SPATA33: variants seen among roughly 807,000 people sequenced by gnomAD.
SPATA33 encodes the protein spermatogenesis associated 33.
In SPATA33, 10 loss-of-function variants were observed where a neutral mutation model predicts 8.9. The observed-to-expected ratio is 1.12, with a 90% CI of 0.69 to 1.90. The LOEUF is 1.90. Ranked by LOEUF, SPATA33 falls within the 40% of genes most tolerant of loss-of-function variation. SPATA33 has a pLI of 0.00. For missense variants in SPATA33, 241 were observed against 178.3 expected (o/e 1.35, Z -2.00); for synonymous variants, 96 against 72.8 (o/e 1.32, Z -1.63).
At chr16:89,669,168 A>G (rs2060064715) in intron 2 of SPATA33, 118 bp from the exon 3 acceptor site, 3 of 941,770 alleles carry the variant, frequency 3.2e-6, no homozygotes, top group South Asian at 1.5e-5. Context: ...GGACTCACCC[A>G]TTTTTTCTGC....
intron 2 of SPATA33, among the ~76,000 whole-genome samples, chr16:89,668,312 A>G (rs2060052877): frequency 6.6e-6 from 1 of 152,248 alleles, no homozygotes; most frequent in Non-Finnish European, 1.5e-5. Flanking sequence ...ACTCCGTCTC[A>G]AAAACTAAGA....
At chr16:89,669,218 G>A (rs2060065038) in intron 2 of SPATA33, 68 bp from the exon 3 acceptor site, 2 of 1,411,748 alleles carry the variant, frequency 1.4e-6, no homozygotes, top group African/African-American at 1.4e-5. Context: ...ACCAATGGCA[G>A]GAGGTGTGTG....
At chr16:89,667,049 AGAGGTG>A (rs1443417532) in intron 2 of SPATA33, among the ~76,000 whole-genome samples, 1 of 152,152 alleles carries the variant, frequency 6.6e-6, no homozygotes, top group African/African-American at 2.4e-5. Context: ...GCCCTCCACA[AGAGGTG>A]GAGGAGCAGA....
Position 89,669,530 on chromosome 16 carries a change from T to C in SPATA33, c.*33T>C, listed in dbSNP as rs1286209767. On this transcript the variant is annotated 3_prime_UTR_variant, in exon 3 of 3. Coordinates refer to ENST00000579310, the MANE Select transcript of SPATA33 (RefSeq NM_001271907.2). ...CCTTTGCATGGCACTCGCTACTCCC[T>C]GCGATAGGCGTCTCGGGAACAGCCG... is the stretch of plus-strand genomic sequence containing the variant. 1 of 1,597,700 alleles carries C rather than the reference T, an allele frequency of 6.3e-7. No individual in the cohort carries two copies. The highest frequency in any genetic ancestry group is 8.6e-7 in the Non-Finnish European group (1 of 1,169,004).
chr16:89,660,631 C>A, intron 2 of SPATA33: 1 of 1,061,414 alleles, frequency 9.4e-7, no homozygotes, highest in Non-Finnish European at 1.2e-6. Flanking sequence ...TGAGACAAGC[C>A]AGAGGAAAGA....
At chr16:89,660,346 T>G in intron 2 of SPATA33, 1 of 598,914 alleles carries the variant, frequency 1.7e-6, no homozygotes, top group Non-Finnish European at 2.4e-6. Flanking sequence ...GAGGGAGCTG[T>G]GAAGCATGGG....
At chr16:89,666,316 A>G (rs922217270) in intron 2 of SPATA33, among the ~76,000 whole-genome samples, 1 of 152,098 alleles carries the variant, frequency 6.6e-6, no homozygotes, top group East Asian at 1.9e-4. Flanking sequence ...CACATCCACG[A>G]ATAGCCACTG....
At chr16:89,666,740 G>A (rs548001633) in intron 2 of SPATA33, among the ~76,000 whole-genome samples, 3 of 152,326 alleles carry the variant, frequency 2.0e-5, no homozygotes, top group Admixed American at 1.3e-4. Context: ...GGTTAGGAGT[G>A]TGAGCCATCT....
chr16:89,661,580 C>T (rs151323153), intron 2 of SPATA33: 23 of 152,238 alleles, frequency 1.5e-4, no homozygotes, highest in Admixed American at 1.3e-3. Context: ...ATACTGTTAC[C>T]CCTACTACTT....
At chr16:89,668,810 G>A (rs553942075) in intron 2 of SPATA33, among the ~76,000 whole-genome samples, 1 of 152,362 alleles carries the variant, frequency 6.6e-6, no homozygotes, top group East Asian at 1.9e-4. Context: ...CAGGTCTCAG[G>A]CGTTCCTTGT....
chr16:89,667,676 A>C (rs1180457685), intron 2 of SPATA33, among the ~76,000 whole-genome samples: 2 of 152,206 alleles, frequency 1.3e-5, no homozygotes, highest in African/African-American at 2.4e-5. Flanking sequence ...AAAAAGAAAA[A>C]GGGATATCGC....
At chr16:89,661,159 G>A in intron 2 of SPATA33, 1 of 985,434 alleles carries the variant, frequency 1.0e-6, no homozygotes. Flanking sequence ...GGCCATGATG[G>A]GGAGAAAGTT....
rs147716338 is a variant in SPATA33, at chr16:89,669,483, C to CTG, written c.409_410insTG (p.His137LeufsTer19). On this transcript the variant is annotated frameshift_variant, in exon 3 of 3. Coordinates refer to ENST00000579310, the MANE Select transcript of SPATA33 (RefSeq NM_001271907.2). LOFTEE classifies it high-confidence loss of function. ...CAGTACAGCAGACGCCTATAATTCA[C>CTG]ATCTCAAAGAATAAACAAGCACCTT... 8,688 of 1,612,826 alleles carry CTG rather than the reference C, an allele frequency of 5.4e-3. 44 individuals are homozygous for CTG. Among genetic ancestry groups the CTG allele is most frequent in the Non-Finnish European group, 6.1e-3 (7,145 of 1,180,000 alleles).
chr16:89,664,063 G>A (rs1419893513), intron 2 of SPATA33, among the ~76,000 whole-genome samples: 1 of 152,254 alleles, frequency 6.6e-6, no homozygotes, highest in African/African-American at 2.4e-5. Flanking sequence ...GGGCTGCAGT[G>A]AGCCAAGATC....
chr16:89,667,142 C>T lies in SPATA33; in HGVS notation c.212-2144C>T, dbSNP rs1006166240. Among the ~76,000 whole-genome samples, 3 of 152,336 alleles carry T rather than the reference C, an allele frequency of 2.0e-5. 1 individual carries two copies. The highest frequency in any genetic ancestry group is 6.5e-5 in the Admixed American group (1 of 15,302). On this transcript the variant is annotated intron_variant, in intron 2 of 2. Transcript: ENST00000579310. ...AAGTAGTGGGTGTTTTTCCTTGACA[C>T]TGACGCTACTGCTAGACCATGGTCT...
intron 2 of SPATA33, chr16:89,660,629 G>A (rs905429130): frequency 3.7e-6 from 4 of 1,091,480 alleles, no homozygotes; most frequent in African/African-American, 3.3e-5. Context: ...AGTGAGACAA[G>A]CCAGAGGAAA....
chr16:89,664,254 C>T, intron 2 of SPATA33, among the ~76,000 whole-genome samples: 1 of 152,154 alleles, frequency 6.6e-6, no homozygotes, highest in East Asian at 1.9e-4. Flanking sequence ...CTATGAGAGG[C>T]CAAAGAATAT....
chr16:89,658,303 G>A lies in SPATA33; in HGVS notation c.93G>A (p.Leu31=), dbSNP rs1475794915. 9 of 1,614,192 alleles carry A rather than the reference G, an allele frequency of 5.6e-6. No homozygotes were observed. Among genetic ancestry groups the A allele is most frequent in the Non-Finnish European group, 7.6e-6 (9 of 1,180,046 alleles). ...TYSVPKSKEK[L]MEKHSQEARQ... ...CAGTTCCAAAATCTAAGGAGAAGTT[G>A]ATGGAGAAGCATTCCCAGGAAGCCA... The change falls in exon 2 of 3, where the codon TTG becomes TTA. Residue 31 remains leucine (L), a synonymous_variant. Transcript: ENST00000579310.
intron 1 of SPATA33, 36 bp from the exon 2 acceptor site, chr16:89,658,212 A>G (rs775884279): frequency 1.2e-6 from 2 of 1,611,212 alleles, no homozygotes; most frequent in Non-Finnish European, 8.5e-7. Context: ...TGCATTCGGT[A>G]AGTCCCGGGT....
Sources: allele counts gnomAD v4.1 joint callset (sites outside exome capture counted in the v4.1 genomes callset), GRCh38; gene constraint gnomAD v4.1.1; transcripts MANE v1.5; gene names NCBI Gene and HGNC (gene_info 2026-07-23, HGNC 2026-07-21).